Variants in DLGAP4 observed in about 807,000 individuals in gnomAD.
DLGAP4 encodes DLG associated protein 4, also known as disks large-associated protein 4.
A neutral mutation model predicts 86.9 loss-of-function variants in DLGAP4; 18 were observed. The ratio of observed to expected loss-of-function variants is 0.21; its 90% confidence interval spans 0.14 to 0.31. The LOEUF (loss-of-function observed/expected upper bound fraction) is 0.31, where lower values mean the gene tolerates loss of function less well. Ranked by LOEUF, DLGAP4 falls within the 10% of genes least tolerant of loss-of-function variation. The pLI is 1.00. For synonymous variants in DLGAP4, 548 were observed against 574.3 expected (o/e 0.95, Z 0.65); for missense variants, 1,085 against 1,362.6 (o/e 0.80, Z 3.21).
chr20:36,519,566 G>T (rs2037249492), intron 10 of DLGAP4, among the ~76,000 whole-genome samples: 1 of 152,152 alleles, frequency 6.6e-6, no homozygotes, highest in South Asian at 2.1e-4. Context: ...TGGCGTACAA[G>T]TATCTGTTTA....
rs185161674 is a variant in DLGAP4, at chr20:36,521,848, T to C, written c.2513-2402T>C. Among the ~76,000 whole-genome samples the C allele has an allele frequency of 1.3e-4, 20 of 152,368 alleles. No individual in the cohort carries two copies. In the South Asian group the frequency reaches 3.9e-3, roughly 30 times the overall value. On this transcript the variant is annotated intron_variant, in intron 10 of 12. Coordinates refer to ENST00000339266, the MANE Select transcript of DLGAP4 (RefSeq NM_001365621.2). ...GGCAACAATTTCTGGTAAGTATTCA[T>C]GTGCCATTTGCTGTTCCTGTAATAT...
rs2032794668 is a variant in DLGAP4, at chr20:36,420,588, AG to A, written c.-72-11057del. On this transcript the variant is annotated intron_variant, in intron 2 of 12. Coordinates refer to ENST00000339266, the MANE Select transcript of DLGAP4 (RefSeq NM_001365621.2). ...CGCAGTGACCCACACCTGTAATCCC[AG>A]CACTTTGAGAGGCTAAGGTGGGCGG... Among the ~76,000 whole-genome samples the A allele has an allele frequency of 2.6e-5, 4 of 152,314 alleles. No homozygotes were observed. The South Asian group carries it at 8.3e-4, about 32-fold the overall frequency.
chr20:36,363,600 T>C (rs1017057056), intron 1 of DLGAP4, among the ~76,000 whole-genome samples: 1 of 152,040 alleles, frequency 6.6e-6, no homozygotes, highest in Non-Finnish European at 1.5e-5. Context: ...CAGGATTCCA[T>C]TGACTGAGAT....
intron 2 of DLGAP4, among the ~76,000 whole-genome samples, chr20:36,389,262 A>G (rs2031707820): frequency 1.3e-5 from 2 of 152,184 alleles, no homozygotes; most frequent in Admixed American, 6.5e-5. Context: ...CTGCTATTGC[A>G]TAGACGTAGT....
chr20:36,406,252 G>C lies in DLGAP4; in HGVS notation c.-72-25394G>C, dbSNP rs141922040. On this transcript the variant is annotated intron_variant, in intron 2 of 12. Transcript: ENST00000339266. ...TCTCTACTAAAAATACAAAAAATTA[G>C]CCAGGCATGGTGGCGGGCGCCTGTA... Among the ~76,000 whole-genome samples the C allele has an allele frequency of 4.2e-3, 644 of 152,196 alleles. 29 individuals are homozygous for C. The East Asian group carries it at 0.088, about 21-fold the overall frequency.
intron 7 of DLGAP4, among the ~76,000 whole-genome samples, chr20:36,468,483 GT>G (rs2034517074): frequency 6.6e-6 from 1 of 152,270 alleles, no homozygotes; most frequent in Non-Finnish European, 1.5e-5. Context: ...GTTGGTCCCA[GT>G]GTACAGCCAG....
At chr20:36,400,725 T>C (rs1214951292) in intron 2 of DLGAP4, among the ~76,000 whole-genome samples, 2 of 151,344 alleles carry the variant, frequency 1.3e-5, no homozygotes, top group African/African-American at 4.9e-5. Flanking sequence ...ACTTGAAACA[T>C]ATACTTTAGG....
Position 36,308,443 on chromosome 20 carries a change from G to A in DLGAP4, c.-304+1931G>A, listed in dbSNP as rs990170341. Among the ~76,000 whole-genome samples, 3 of 152,232 alleles carry A rather than the reference G, an allele frequency of 2.0e-5. No individual in the cohort carries two copies. The highest frequency in any genetic ancestry group is 4.4e-5 in the Non-Finnish European group (3 of 68,030). On this transcript the variant is annotated intron_variant, in intron 1 of 12. Coordinates refer to ENST00000339266, the MANE Select transcript of DLGAP4 (RefSeq NM_001365621.2). This position sits in a 1 kb window ranked among gnomAD's most constrained non-coding sequence, Gnocchi z 4.5. ...TGATGGCTGGGTTATGTGGAACCCC[G>A]GGTGCCAGCCTTGAGATGGAACTGC...
At position 36,432,760 on chromosome 20, in the gene DLGAP4, A is replaced by ACGG; in HGVS notation, c.999+46_999+48dup. ...CAGGGGTGGGATGAGGGCTCTGGGGACGGCACCAGTTTTGAGGCCTAGACG... is the reference window on the plus strand; with the variant it reads ...CAGGGGTGGGATGAGGGCTCTGGGGACGGCGGCACCAGTTTTGAGGCCTAGACG... On this transcript the variant is annotated intron_variant, in intron 3 of 12. Transcript: ENST00000339266. This position sits in a 1 kb window ranked among gnomAD's most constrained non-coding sequence, Gnocchi z 6.5. 1 of 1,601,488 alleles carries ACGG rather than the reference A, an allele frequency of 6.2e-7. No homozygotes were observed. Among genetic ancestry groups the ACGG allele is most frequent in the Non-Finnish European group, 8.5e-7 (1 of 1,173,812 alleles).
chr20:36,504,221 C>G (rs1272378937), intron 10 of DLGAP4, among the ~76,000 whole-genome samples: 1 of 152,150 alleles, frequency 6.6e-6, no homozygotes, highest in Non-Finnish European at 1.5e-5. Flanking sequence ...AACATAGAAT[C>G]TACCTATTAA....
intron 1 of DLGAP4, among the ~76,000 whole-genome samples, chr20:36,317,301 C>G (rs1482887710): frequency 2.0e-4 from 2 of 9,954 alleles, no homozygotes; most frequent in African/African-American, 3.9e-4. Context: ...TCTTATCTTT[C>G]TTTCTTCCTT....
At chr20:36,470,576 A>T (rs981521918) in intron 7 of DLGAP4, among the ~76,000 whole-genome samples, 94 of 132,274 alleles carry the variant, frequency 7.1e-4, no homozygotes, top group African/African-American at 2.6e-3. Context: ...AAACTTGGTT[A>T]AAAAAAAAAA....
intron 8 of DLGAP4, chr20:36,497,364 ACTGT>A (rs1483052203): frequency 1.2e-5 from 15 of 1,252,900 alleles, no homozygotes; most frequent in South Asian, 3.8e-5. Context: ...TTGCCTGTCC[ACTGT>A]CTGTCTGTCC....
chr20:36,321,570 G>A (rs1392525241), intron 1 of DLGAP4, among the ~76,000 whole-genome samples: 4 of 152,256 alleles, frequency 2.6e-5, no homozygotes, highest in African/African-American at 9.6e-5. Context: ...CGCCTGGTGA[G>A]GCGCTCGCCC....
intron 10 of DLGAP4, among the ~76,000 whole-genome samples, chr20:36,513,513 AGT>A: frequency 6.9e-6 from 1 of 144,350 alleles, no homozygotes. Flanking sequence ...GCGCCACTGC[AGT>A]CCGCAATCCG....
At chr20:36,455,319 C>G (rs11905614) in intron 7 of DLGAP4, among the ~76,000 whole-genome samples, 42 of 152,224 alleles carry the variant, frequency 2.8e-4, no homozygotes, top group African/African-American at 9.9e-4. Flanking sequence ...GGCCCTCCTC[C>G]CCGTCCTCCC....
intron 1 of DLGAP4, among the ~76,000 whole-genome samples, chr20:36,345,942 A>G (rs2029922980): frequency 2.6e-5 from 4 of 152,068 alleles, no homozygotes; most frequent in Admixed American, 2.6e-4. Context: ...ATTTTTGTAG[A>G]GACAGGGTCT....
rs1379572555 is a variant in DLGAP4 at position 36,527,385 on chromosome 20, T to A, written c.*354T>A. ...TATCTGATGAGAACTCACACTAGCT[T>A]GTTTACAAGATGACGACAGTCCAAG... On this transcript the variant is annotated 3_prime_UTR_variant, in exon 13 of 13. Coordinates refer to ENST00000339266, the MANE Select transcript of DLGAP4 (RefSeq NM_001365621.2). 1.1e-5 allele frequency: 2 copies of A among 181,148 alleles called. No homozygotes were observed. Among genetic ancestry groups the A allele is most frequent in the African/African-American group, 4.7e-5 (2 of 42,326 alleles). The allele number at this position is 181,148 out of a possible 1,614,324, so 11.2% of individuals were successfully genotyped here.
At chr20:36,394,577 C>A (rs962966145) in intron 2 of DLGAP4, among the ~76,000 whole-genome samples, 11 of 152,174 alleles carry the variant, frequency 7.2e-5, no homozygotes, top group African/African-American at 2.4e-4. Context: ...TGGGTACATG[C>A]ACGTGTGCGC....
Sources: allele counts gnomAD v4.1 joint callset (sites outside exome capture counted in the v4.1 genomes callset), GRCh38; gene constraint gnomAD v4.1.1; non-coding constraint Gnocchi (gnomAD v3.1); transcripts MANE v1.5; gene names NCBI Gene and HGNC (gene_info 2026-07-23, HGNC 2026-07-21).